The following PRIM2 variants were observed in gnomAD, a reference collection of about 807,000 sequenced individuals.
PRIM2 encodes DNA primase subunit 2, also known as DNA primase large subunit.
Under a neutral mutation model 67.3 loss-of-function variants are expected in PRIM2, and 39 were observed. The ratio of observed to expected loss-of-function variants is 0.58; its 90% CI spans 0.45 to 0.76. PRIM2 has a LOEUF of 0.76. Among genes scored for constraint, PRIM2 ranks in the 30% least tolerant of loss-of-function variants. The probability of loss-of-function intolerance (pLI) is 0.00; values close to 1 mark genes in which losing one functional copy is unlikely to be tolerated. For missense variants in PRIM2, 398 were observed against 598.7 expected, an observed-to-expected ratio of 0.66 and a Z score of 3.50; for synonymous variants, 143 against 198.7, an observed-to-expected ratio of 0.72 and a Z score of 2.36.
the PRIM2 span, among the ~76,000 whole-genome samples, chr6:57,270,880 G>A: frequency 3.9e-5 from 6 of 152,196 alleles, no homozygotes; most frequent in Admixed American, 2.6e-4. Context: ...CATCTATTGA[G>A]ATAATCATGT....
chr6:57,456,615 G>A (rs1241870319), intron 7 of PRIM2, among the ~76,000 whole-genome samples: 8 of 151,946 alleles, frequency 5.3e-5, no homozygotes, highest in African/African-American at 1.2e-4. Flanking sequence ...CGTAGTTCTC[G>A]TGCCTTGGTT....
chr6:57,261,900 C>G, the PRIM2 span, among the ~76,000 whole-genome samples: 1 of 152,206 alleles, frequency 6.6e-6, no homozygotes, highest in Admixed American at 6.5e-5. Flanking sequence ...TTGCTGGTCT[C>G]TGGGTGTCTC....
chr6:57,367,632 T>C (rs1384164496), intron 5 of PRIM2, among the ~76,000 whole-genome samples: 1 of 152,208 alleles, frequency 6.6e-6, no homozygotes, highest in Non-Finnish European at 1.5e-5. Flanking sequence ...CACATAGTAT[T>C]ATATATGGGC....
chr6:57,418,056 G>A (rs1362412476), intron 7 of PRIM2, among the ~76,000 whole-genome samples: 5 of 152,208 alleles, frequency 3.3e-5, no homozygotes, highest in Middle Eastern at 3.4e-3. Flanking sequence ...TTGCTTTAAC[G>A]CAGCTCTGAG....
chr6:57,236,208 C>T, the PRIM2 span, among the ~76,000 whole-genome samples: 2 of 152,122 alleles, frequency 1.3e-5, no homozygotes, highest in Non-Finnish European at 2.9e-5. Flanking sequence ...AGTCAGATAC[C>T]TGGGAGTCAT....
upstream of PRIM2, among the ~76,000 whole-genome samples, chr6:57,315,360 C>CAG (rs1408908131): frequency 6.6e-6 from 1 of 152,096 alleles, no homozygotes; most frequent in Non-Finnish European, 1.5e-5. Flanking sequence ...CATCCCTCTA[C>CAG]TACAGAAGTT....
chr6:57,302,697 G>A, the PRIM2 span, among the ~76,000 whole-genome samples: 7 of 152,104 alleles, frequency 4.6e-5, no homozygotes, highest in Non-Finnish European at 7.4e-5. Flanking sequence ...ATCTTCCACA[G>A]AATAAACACT....
chr6:57,542,437 C>T, intron 10 of PRIM2, among the ~76,000 whole-genome samples: 1 of 152,274 alleles, frequency 6.6e-6, no homozygotes, highest in Middle Eastern at 3.4e-3. Context: ...AAGTCTTTGG[C>T]TTGGACACTT....
chr6:57,630,142 A>G (rs1246550312), intron 12 of PRIM2, among the ~76,000 whole-genome samples: 44 of 150,354 alleles, frequency 2.9e-4, no homozygotes, highest in African/African-American at 1.0e-3. Flanking sequence ...TTTTTTTCTC[A>G]TCACACCTTT....
At chr6:57,607,230 T>C (rs1440651107) in intron 12 of PRIM2, among the ~76,000 whole-genome samples, 1 of 152,236 alleles carries the variant, frequency 6.6e-6, no homozygotes, top group Non-Finnish European at 1.5e-5. Flanking sequence ...TAGACAACTT[T>C]ACGGCTGCTT....
intron 7 of PRIM2, among the ~76,000 whole-genome samples, chr6:57,398,616 A>T (rs1176339732): frequency 1.3e-5 from 2 of 152,122 alleles, no homozygotes; most frequent in Non-Finnish European, 2.9e-5. Flanking sequence ...AAGAATGTAT[A>T]TTTTATTGGT....
intron 12 of PRIM2, among the ~76,000 whole-genome samples, chr6:57,626,197 T>A (rs1486147336): frequency 2.6e-5 from 4 of 152,218 alleles, no homozygotes; most frequent in Non-Finnish European, 5.9e-5. Context: ...TGCCAGGTAA[T>A]CATCTGAACC....
At chr6:57,378,066 CTT>C (rs72149303) in intron 5 of PRIM2, among the ~76,000 whole-genome samples, 17 of 142,202 alleles carry the variant, frequency 1.2e-4, no homozygotes, top group Admixed American at 2.8e-4. Context: ...TCTTCTTCTT[CTT>C]TTTTTTTTTT....
intron 7 of PRIM2, among the ~76,000 whole-genome samples, chr6:57,487,935 A>G (rs1411188495): frequency 6.6e-6 from 1 of 152,204 alleles, no homozygotes. Flanking sequence ...GCCTGTTTAT[A>G]TGTTCCCTTC....
intron 10 of PRIM2, among the ~76,000 whole-genome samples, chr6:57,571,667 AAAC>A (rs1208061892): frequency 6.7e-6 from 1 of 149,346 alleles, no homozygotes; most frequent in African/African-American, 2.5e-5. Flanking sequence ...AACCAAAACA[AAAC>A]AAAAAACAAA....
the PRIM2 span, among the ~76,000 whole-genome samples, chr6:57,275,245 T>C: frequency 6.6e-6 from 1 of 152,140 alleles, no homozygotes; most frequent in Non-Finnish European, 1.5e-5. Flanking sequence ...GTGCATTGGC[T>C]CAGGCCTGTA....
At chr6:57,572,204 T>C (rs1233215263) in intron 10 of PRIM2, among the ~76,000 whole-genome samples, 3 of 152,228 alleles carry the variant, frequency 2.0e-5, no homozygotes, top group Non-Finnish European at 4.4e-5. Flanking sequence ...GTCAATGTAG[T>C]ATAGCAAAAA....
At chr6:57,260,422 G>GA in the PRIM2 span, among the ~76,000 whole-genome samples, 57 of 152,132 alleles carry the variant, frequency 3.7e-4, no homozygotes, top group Admixed American at 2.0e-4. Context: ...ATTCTAAAGT[G>GA]AAAAATGTGG....
At chr6:57,234,632 T>C in the PRIM2 span, among the ~76,000 whole-genome samples, 1 of 151,690 alleles carries the variant, frequency 6.6e-6, no homozygotes. Flanking sequence ...CAAGCGATTC[T>C]CTTGCCTCAG....
Sources: gnomAD v4.1 joint callset for allele counts (sites outside exome capture counted in the v4.1 genomes callset) on GRCh38, gnomAD v4.1.1 for gene constraint, MANE v1.5 for transcripts, NCBI Gene and HGNC (gene_info 2026-07-23, HGNC 2026-07-21) for gene names.